KLHL8: variants seen among roughly 807,000 people sequenced by gnomAD.
The protein encoded by KLHL8 is kelch-like protein 8.
In KLHL8, 38 loss-of-function variants were observed where a neutral mutation model predicts 63.5. That is an observed-to-expected ratio of 0.60 (90% CI 0.46 to 0.78). The LOEUF is 0.78. KLHL8 is among the 30% of genes least tolerant of loss of function. The probability of loss-of-function intolerance (pLI) is 0.00; values close to 1 mark genes in which losing one functional copy is unlikely to be tolerated. For synonymous variants in KLHL8, 224 were observed against 254.3 expected (o/e 0.88, Z 1.13); for missense variants, 566 against 752.4 (o/e 0.75, Z 2.90).
chr4:87,188,712 T>C (rs2110000567), intron 2 of KLHL8, among the ~76,000 whole-genome samples: 1 of 152,286 alleles, frequency 6.6e-6, no homozygotes, highest in Non-Finnish European at 1.5e-5. Context: ...TTTCTTTCTC[T>C]GGTACAAAAA....
At chr4:87,219,597 G>C (rs1732740200) in intron 1 of KLHL8, 2 of 152,318 alleles carry the variant, frequency 1.3e-5, no homozygotes, top group Admixed American at 1.3e-4. Context: ...GAAAAACAGT[G>C]CAAGTCCAGT....
chr4:87,171,095 C>T (rs1317806766), intron 6 of KLHL8, among the ~76,000 whole-genome samples: 1 of 152,036 alleles, frequency 6.6e-6, no homozygotes, highest in Non-Finnish European at 1.5e-5. Context: ...TTTTATGTCA[C>T]GTTGCTTTAT....
chr4:87,182,582 G>C (rs1205916205), intron 4 of KLHL8, among the ~76,000 whole-genome samples: 2 of 151,942 alleles, frequency 1.3e-5, no homozygotes, highest in Non-Finnish European at 2.9e-5. Context: ...TTATTAAAAA[G>C]TGATACTTCT....
chr4:87,174,867 C>T (rs1312920875), intron 6 of KLHL8, among the ~76,000 whole-genome samples: 1 of 152,196 alleles, frequency 6.6e-6, no homozygotes, highest in African/African-American at 2.4e-5. Context: ...TTACAGTATG[C>T]TTCATTGCTA....
At chr4:87,167,200 A>C in intron 8 of KLHL8, 1 of 535,818 alleles carries the variant, frequency 1.9e-6, no homozygotes, top group Non-Finnish European at 3.6e-6. Flanking sequence ...CCCCCACACT[A>C]AGTCTTCACC....
chr4:87,178,661 C>A, intron 4 of KLHL8, 41 bp from the exon 5 acceptor site: 8 of 1,452,668 alleles, frequency 5.5e-6, no homozygotes, highest in South Asian at 1.6e-5. Context: ...TCATAGCTGC[C>A]AAGTTGAAAA....
intron 1 of KLHL8, among the ~76,000 whole-genome samples, chr4:87,196,713 A>G (rs774418441): frequency 2.0e-5 from 3 of 152,178 alleles, no homozygotes; most frequent in Admixed American, 2.0e-4. Flanking sequence ...CTATGCTACA[A>G]TTCTACTTTG....
chr4:87,185,260 T>C lies in KLHL8; in HGVS notation c.756A>G (p.Thr252=). ...TTATTTCAGCTCCTACCTGTGCAAG[T>C]GTTTCATCCAACCATTTGGAATGAT... ...PQHHSKWLDE[T]LAQVRLPLLP... Residue 252 remains threonine, a synonymous_variant, in exon 3 of 10, where the codon ACA becomes ACG. Transcript: ENST00000273963. The C allele has an allele frequency of 6.2e-7, 1 of 1,610,288 alleles. No homozygotes were observed. Among genetic ancestry groups the C allele is most frequent in the Admixed American group, 1.7e-5 (1 of 59,722 alleles).
At chr4:87,184,923 G>A (rs561461322) in intron 3 of KLHL8, among the ~76,000 whole-genome samples, 3 of 152,054 alleles carry the variant, frequency 2.0e-5, no homozygotes, top group Admixed American at 6.6e-5. Context: ...TAATTATAAA[G>A]TATATTAATT....
chr4:87,182,989 A>G (rs1472206144), intron 4 of KLHL8, among the ~76,000 whole-genome samples: 1 of 151,806 alleles, frequency 6.6e-6, no homozygotes, highest in Non-Finnish European at 1.5e-5. Context: ...TCTTCAGAGT[A>G]TACAGGACTG....
chr4:87,170,091 A>G lies in KLHL8; in HGVS notation c.1525T>C (p.Leu509=), dbSNP rs953342730. ...CCCATTTACTCACCAACTACGTATA[A>G]GCAACCATGAAGCTTGCTAACTCCA... ...GNGVSKLHGC[L]YVVGGFDDNS... is the part of the protein sequence containing the mutation. Residue 509 remains leucine, a synonymous_variant, in exon 8 of 10, where the codon TTA becomes CTA. Coordinates refer to ENST00000273963, the MANE Select transcript of KLHL8 (RefSeq NM_020803.5). 1.4e-5 allele frequency: 22 copies of G among 1,613,772 alleles called. No homozygotes were observed. Among genetic ancestry groups the G allele is most frequent in the Non-Finnish European group, 1.6e-5 (19 of 1,179,852 alleles).
chr4:87,183,254 C>T lies in KLHL8; in HGVS notation c.901G>A (p.Val301Ile). 1 of 1,613,742 alleles carries T rather than the reference C, an allele frequency of 6.2e-7. No homozygotes were observed. Among genetic ancestry groups the T allele is most frequent in the Non-Finnish European group, 8.5e-7 (1 of 1,179,756 alleles). The change falls in exon 4 of 10, where the codon GTA (valine) becomes ATA (isoleucine). Residue 301 changes from valine to isoleucine, a missense_variant. Physicochemically the swap from Val to Ile is conservative, Grantham distance 29. Transcript: ENST00000273963. ...NYHLHLSSRA[V>I]PDFEYSIRTT... ...CGAATGGAGTATTCAAAGTCAGGTA[C>T]TGCTCTGCTACTCAAGTGAAGGTGG...
chr4:87,214,446 ATATATATATATAT>A (rs1168811239), intron 1 of KLHL8, among the ~76,000 whole-genome samples: 5 of 95,028 alleles, frequency 5.3e-5, no homozygotes, highest in Middle Eastern at 5.8e-3. Flanking sequence ...ATATATATAT[ATATATATATATAT>A]AATTGTCATC....
intron 1 of KLHL8, among the ~76,000 whole-genome samples, chr4:87,214,440 ATATATATATATATATATAT>A (rs1732518980): frequency 1.2e-5 from 1 of 85,730 alleles, no homozygotes; most frequent in African/African-American, 3.2e-5. Flanking sequence ...ATATATATAT[ATATATATATATATATATAT>A]AATTGTCATC....
intron 1 of KLHL8, among the ~76,000 whole-genome samples, chr4:87,214,247 G>A (rs1288979448): frequency 6.7e-6 from 1 of 149,806 alleles, no homozygotes; most frequent in Non-Finnish European, 1.5e-5. Context: ...GCATTAATTG[G>A]GTGCTTCTAT....
intron 1 of KLHL8, among the ~76,000 whole-genome samples, chr4:87,211,642 A>C (rs1578399436): frequency 6.6e-6 from 1 of 152,136 alleles, no homozygotes; most frequent in East Asian, 1.9e-4. Flanking sequence ...AAATACAAAA[A>C]TTAGCCAGGC....
intron 8 of KLHL8, chr4:87,167,583 G>T: frequency 1.9e-6 from 1 of 518,498 alleles, no homozygotes; most frequent in Non-Finnish European, 3.9e-6. Context: ...TAAGAAGAAG[G>T]GCAGTGCCAT....
In KLHL8 at chr4:87,176,814, T is replaced by G. The variant is rs1292511080; in HGVS notation, c.1151A>C (p.Glu384Ala). 6.2e-7 allele frequency: 1 copy of G among 1,609,210 alleles called. No homozygotes were observed. Among genetic ancestry groups the G allele is most frequent in the Non-Finnish European group, 8.5e-7 (1 of 1,177,634 alleles). ...HDGNEHLGSM[E>A]MFDPLTNKWM... Reference sequence around the variant, plus strand: ...TTTATTAGTGAGAGGATCAAACATCTCCATACTCCCTAAATGTTCATTTCC... The same window carrying G: ...TTTATTAGTGAGAGGATCAAACATCGCCATACTCCCTAAATGTTCATTTCC... Residue 384 changes from glutamate to alanine, a missense_variant, in exon 6 of 10, where the codon GAG (glutamate) becomes GCG (alanine). Coordinates refer to ENST00000273963, the MANE Select transcript of KLHL8 (RefSeq NM_020803.5).
intron 8 of KLHL8, chr4:87,167,125 A>C (rs747174803): frequency 8.6e-6 from 4 of 462,662 alleles, no homozygotes; most frequent in Non-Finnish European, 1.6e-5. Context: ...GAATTCGGGA[A>C]ACGTTATTTT....
Sources: allele counts gnomAD v4.1 joint callset (sites outside exome capture counted in the v4.1 genomes callset), GRCh38; gene constraint gnomAD v4.1.1; transcripts MANE v1.5; gene names NCBI Gene and HGNC (gene_info 2026-07-23, HGNC 2026-07-21).